Variants in DYDC2 observed in about 807,000 individuals in gnomAD.
DYDC2 encodes the protein DPY30 domain containing 2.
DYDC2 carries 19 observed loss-of-function variants against 18.7 expected under a neutral mutation model. The ratio of observed to expected loss-of-function variants is 1.02; its 90% CI spans 0.71 to 1.49. The LOEUF is 1.49. Among genes scored for constraint, DYDC2 ranks in the 40% most tolerant of loss-of-function variants. DYDC2 has a pLI of 0.00. For synonymous variants in DYDC2, 63 were observed against 67.6 expected (o/e 0.93, Z 0.34); for missense variants, 179 against 205.1 (o/e 0.87, Z 0.78).
intron 1 of DYDC2, 77 bp downstream of exon 1, chr10:80,356,902 G>GGCGGCAGAGTAGAGGGGGC (rs1168607663): frequency 6.2e-6 from 6 of 962,254 alleles, no homozygotes; most frequent in African/African-American, 5.4e-5. Flanking sequence ...AGTAGGAGCA[G>GGCGGCAGAGTAGAGGGGGC]GCGGCAGAGT....
intron 2 of DYDC2, among the ~76,000 whole-genome samples, chr10:80,360,115 C>T (rs1843621427): frequency 6.6e-6 from 1 of 152,198 alleles, no homozygotes; most frequent in South Asian, 2.1e-4. Context: ...GTTTGTTTAT[C>T]CAAATGCATT....
chr10:80,365,583 A>G (rs1405893141), intron 4 of DYDC2, among the ~76,000 whole-genome samples: 2 of 152,220 alleles, frequency 1.3e-5, no homozygotes. Context: ...CTCATTGTAG[A>G]ATGGACCTGT....
chr10:80,351,301 C>A (rs1481604117), intron 1 of DYDC2, among the ~76,000 whole-genome samples: 6 of 152,120 alleles, frequency 3.9e-5, no homozygotes, highest in Admixed American at 3.9e-4. Context: ...GATCCAGGCC[C>A]ATTTCCTCTC....
At position 80,356,905 on chromosome 10, in the gene DYDC2, G is replaced by A. The variant is rs1441821314; in HGVS notation, c.-163+80G>A. On this transcript the variant is annotated intron_variant, in intron 1 of 4. Coordinates refer to ENST00000256039, the MANE Select transcript of DYDC2 (RefSeq NM_032372.6). ...AGGGCGTGCAGGAGTAGGAGCAGGC[G>A]GCAGAGTAGAGGGGGCGCGGCAGAG... 9 of 962,926 alleles carry A rather than the reference G, an allele frequency of 9.3e-6. No individual in the cohort carries two copies. The Admixed American group carries it at 2.5e-4, about 27-fold the overall frequency. 59.6% of individuals were successfully genotyped at this position (962,926 alleles called of 1,614,324 possible). A position where few individuals can be genotyped will look rare whatever the true frequency, so the allele number is the denominator to read the frequency against.
At chr10:80,346,994 C>T (rs1040320977) in intron 1 of DYDC2, among the ~76,000 whole-genome samples, 18 of 151,768 alleles carry the variant, frequency 1.2e-4, no homozygotes, top group South Asian at 2.1e-4. Context: ...GCAGGAGAAT[C>T]GCTTGAACCC....
At chr10:80,347,348 C>T (rs921310013) in intron 1 of DYDC2, among the ~76,000 whole-genome samples, 2 of 124,990 alleles carry the variant, frequency 1.6e-5, no homozygotes, top group African/African-American at 6.2e-5. Context: ...AGATTAACTC[C>T]TTATCAGACC....
intron 3 of DYDC2, 105 bp downstream of exon 3, chr10:80,362,695 T>C: frequency 6.7e-7 from 1 of 1,483,452 alleles, no homozygotes. Flanking sequence ...AATTTCTTGG[T>C]TTATTTGACT....
upstream of DYDC2, chr10:80,352,094 G>C: frequency 3.3e-6 from 4 of 1,215,730 alleles, no homozygotes; most frequent in Non-Finnish European, 4.8e-6. Context: ...GAACAATTAG[G>C]GAAAGTGTTA....
chr10:80,350,762 A>C (rs1208252206), intron 1 of DYDC2, among the ~76,000 whole-genome samples: 1 of 152,204 alleles, frequency 6.6e-6, no homozygotes, highest in Non-Finnish European at 1.5e-5. Flanking sequence ...ATCTGGTAGA[A>C]CTATGGAAGT....
At chr10:80,348,686 T>C (rs1245300815) in intron 1 of DYDC2, among the ~76,000 whole-genome samples, 1 of 152,198 alleles carries the variant, frequency 6.6e-6, no homozygotes, top group Non-Finnish European at 1.5e-5. Context: ...CAACCTTCAG[T>C]TGGAAGTGGC....
At chr10:80,347,589 T>C (rs1842747055) in intron 1 of DYDC2, among the ~76,000 whole-genome samples, 1 of 152,226 alleles carries the variant, frequency 6.6e-6, no homozygotes, top group South Asian at 2.1e-4. Flanking sequence ...GTTTCAGGTC[T>C]TCCATTTAGG....
intron 1 of DYDC2, among the ~76,000 whole-genome samples, chr10:80,345,718 C>T (rs567561079): frequency 6.6e-6 from 1 of 152,068 alleles, no homozygotes; most frequent in South Asian, 2.1e-4. Context: ...TTTCACTTAA[C>T]ATCATGTCCT....
upstream of DYDC2, among the ~76,000 whole-genome samples, chr10:80,353,600 A>C (rs1193693785): frequency 6.7e-6 from 1 of 149,722 alleles, no homozygotes; most frequent in Non-Finnish European, 1.5e-5. Context: ...GCCTGTAATC[A>C]CAGCACTTTG....
intron 4 of DYDC2, among the ~76,000 whole-genome samples, chr10:80,366,224 G>A (rs555073357): frequency 1.8e-4 from 28 of 151,790 alleles, no homozygotes; most frequent in African/African-American, 6.0e-4. Flanking sequence ...GTAGAGACGG[G>A]GTTTCAGCAT....
chr10:80,354,507 G>C (rs966241053), upstream of DYDC2: 2 of 125,972 alleles, frequency 1.6e-5, no homozygotes. Context: ...AAAAAAAAAA[G>C]AATACCTATT....
chr10:80,352,706 C>T (rs369626823), upstream of DYDC2: 15 of 1,379,006 alleles, frequency 1.1e-5, no homozygotes, highest in Admixed American at 4.4e-4. Context: ...TTACATACAC[C>T]CTGCCCTCAG....
chr10:80,352,629 T>G (rs750044545), upstream of DYDC2: 5 of 1,592,916 alleles, frequency 3.1e-6, no homozygotes, highest in African/African-American at 2.7e-5. Flanking sequence ...TAAGTGTTTT[T>G]GCATTACTGC....
intron 4 of DYDC2, among the ~76,000 whole-genome samples, chr10:80,364,319 G>A (rs575802027): frequency 1.2e-4 from 18 of 152,192 alleles, no homozygotes; most frequent in Non-Finnish European, 2.4e-4. Context: ...CTCTCCCTCA[G>A]GAAGAATTCC....
chr10:80,366,420 G>A (rs1031508916), intron 4 of DYDC2, among the ~76,000 whole-genome samples: 2 of 152,154 alleles, frequency 1.3e-5, no homozygotes, highest in Non-Finnish European at 2.9e-5. Flanking sequence ...TATTACTTGT[G>A]TTCTGGACAT....
Sources: allele counts gnomAD v4.1 joint callset (sites outside exome capture counted in the v4.1 genomes callset), GRCh38; gene constraint gnomAD v4.1.1; transcripts MANE v1.5; gene names NCBI Gene and HGNC (gene_info 2026-07-23, HGNC 2026-07-21).